RBM47: variants seen among roughly 807,000 people sequenced by gnomAD.
The protein encoded by RBM47 is RNA-binding protein 47.
In RBM47, 21 loss-of-function variants were observed where a neutral mutation model predicts 47.1. The ratio of observed to expected loss-of-function variants is 0.45; its 90% CI spans 0.32 to 0.64. The LOEUF (loss-of-function observed/expected upper bound fraction) is 0.64, where lower values mean the gene tolerates loss of function less well. Among genes scored for constraint, RBM47 ranks in the 30% least tolerant of loss-of-function variants. The pLI is 0.05. For missense variants in RBM47, 708 were observed against 870.9 expected (o/e 0.81, Z 2.35); for synonymous variants, 375 against 361.7 (o/e 1.04, Z -0.42).
intron 3 of RBM47, among the ~76,000 whole-genome samples, chr4:40,465,260 G>A (rs961712457): frequency 7.2e-5 from 11 of 152,268 alleles, no homozygotes; most frequent in African/African-American, 2.6e-4. Context: ...GCTATGTGAG[G>A]GCTGGGGTCC....
intron 1 of RBM47, among the ~76,000 whole-genome samples, chr4:40,576,323 A>T (rs1435250240): frequency 5.9e-5 from 8 of 134,934 alleles, no homozygotes; most frequent in South Asian, 2.3e-4. Flanking sequence ...TCAATTTTTT[A>T]AAAAAATTTT....
chr4:40,495,207 G>A (rs1323364674), intron 2 of RBM47, among the ~76,000 whole-genome samples: 1 of 152,138 alleles, frequency 6.6e-6, no homozygotes, highest in African/African-American at 2.4e-5. Flanking sequence ...TTACTATGGG[G>A]ATGGGATGAC....
At chr4:40,557,703 C>T (rs989722637) in intron 1 of RBM47, among the ~76,000 whole-genome samples, 1 of 151,780 alleles carries the variant, frequency 6.6e-6, no homozygotes, top group Non-Finnish European at 1.5e-5. Flanking sequence ...GAGCCAAGGT[C>T]GCACCATTGC....
At chr4:40,583,042 G>C (rs1224411891) in intron 1 of RBM47, among the ~76,000 whole-genome samples, 1 of 152,192 alleles carries the variant, frequency 6.6e-6, no homozygotes, top group Non-Finnish European at 1.5e-5. Flanking sequence ...AATGTGCGAA[G>C]TACAGAAGAG....
intron 5 of RBM47, among the ~76,000 whole-genome samples, chr4:40,434,624 C>T (rs1007461013): frequency 3.2e-5 from 1 of 31,106 alleles, no homozygotes; most frequent in African/African-American, 5.5e-5. Context: ...TTACTTTGCC[C>T]ACAGTGCCAA....
rs760262911 is a variant in RBM47 at position 40,438,504 on chromosome 4, C to T, written c.390G>A (p.Glu130=). 1 of 1,613,720 alleles carries T rather than the reference C, an allele frequency of 6.2e-7. No individual in the cohort carries two copies. Among genetic ancestry groups the T allele is most frequent in the Non-Finnish European group, 8.5e-7 (1 of 1,179,938 alleles). ...CCGGGCGGATCTCGTAGTTGTTGAG[C>T]TCACGCACTGCGCGCTTGGCCTCGT... is the stretch of plus-strand genomic sequence containing the variant. ...HKHEAKRAVR[E]LNNYEIRPGR... Residue 130 remains glutamate, a synonymous_variant, in exon 4 of 7, where the codon GAG becomes GAA. Transcript: ENST00000295971.
intron 4 of RBM47, among the ~76,000 whole-genome samples, chr4:40,437,090 A>AAAAAAT (rs1256296949): frequency 4.0e-5 from 2 of 49,852 alleles, no homozygotes; most frequent in African/African-American, 2.2e-4. Context: ...AAAAAAAAAA[A>AAAAAAT]ATATATATAT....
chr4:40,605,550 G>A (rs1453150882), intron 1 of RBM47, among the ~76,000 whole-genome samples: 1 of 151,996 alleles, frequency 6.6e-6, no homozygotes, highest in Non-Finnish European at 1.5e-5. Flanking sequence ...CTGGTCTTCG[G>A]CCGGGCACGG....
chr4:40,475,600 G>T (rs1719487662), intron 2 of RBM47: 1 of 152,072 alleles, frequency 6.6e-6, no homozygotes, highest in South Asian at 2.1e-4. Flanking sequence ...AAACAATATG[G>T]ATCATTTGTT....
At chr4:40,598,236 A>G (rs961272622) in intron 1 of RBM47, among the ~76,000 whole-genome samples, 2 of 152,170 alleles carry the variant, frequency 1.3e-5, no homozygotes, top group African/African-American at 2.4e-5. Context: ...CCCCAATCAC[A>G]GAACTTTATT....
chr4:40,596,233 C>T (rs1734742174), intron 1 of RBM47, among the ~76,000 whole-genome samples: 1 of 152,136 alleles, frequency 6.6e-6, no homozygotes, highest in African/African-American at 2.4e-5. Flanking sequence ...AGGAAAGAAG[C>T]TTAAAGCAGA....
intron 2 of RBM47, among the ~76,000 whole-genome samples, chr4:40,523,935 G>A (rs1726461366): frequency 6.6e-6 from 1 of 151,942 alleles, no homozygotes; most frequent in Non-Finnish European, 1.5e-5. Context: ...AAACTTCAGG[G>A]TGCCCAATTA....
chr4:40,457,820 C>G (rs1447229887), intron 3 of RBM47, among the ~76,000 whole-genome samples: 1 of 152,176 alleles, frequency 6.6e-6, no homozygotes, highest in Non-Finnish European at 1.5e-5. Context: ...AATTTATGCT[C>G]AAACAGATTT....
chr4:40,611,569 A>G (rs1218961382), intron 1 of RBM47, among the ~76,000 whole-genome samples: 5 of 151,130 alleles, frequency 3.3e-5, no homozygotes. Context: ...AAAAATACAA[A>G]AAAAAAAAAA....
intron 3 of RBM47, among the ~76,000 whole-genome samples, chr4:40,457,606 T>C (rs1433818997): frequency 6.6e-6 from 1 of 152,064 alleles, no homozygotes; most frequent in Non-Finnish European, 1.5e-5. Context: ...AATTTTTTTT[T>C]GTATTTTTAG....
chr4:40,565,473 G>A (rs755960804), intron 1 of RBM47, among the ~76,000 whole-genome samples: 6 of 152,080 alleles, frequency 3.9e-5, no homozygotes, highest in Non-Finnish European at 5.9e-5. Context: ...ACACATAGGA[G>A]GCTTCAAGCA....
At chr4:40,616,444 C>A (rs910431056) in intron 1 of RBM47, among the ~76,000 whole-genome samples, 4 of 151,508 alleles carry the variant, frequency 2.6e-5, no homozygotes, top group Non-Finnish European at 4.4e-5. Flanking sequence ...CAAGTATATG[C>A]GCAATCATTT....
At chr4:40,473,505 T>G (rs1330563533) in intron 2 of RBM47, among the ~76,000 whole-genome samples, 1 of 152,236 alleles carries the variant, frequency 6.6e-6, no homozygotes, top group African/African-American at 2.4e-5. Flanking sequence ...CATGAATTGT[T>G]AAGGCCTACC....
chr4:40,430,659 C>G (rs892627874), intron 6 of RBM47, among the ~76,000 whole-genome samples: 4 of 152,200 alleles, frequency 2.6e-5, no homozygotes, highest in Non-Finnish European at 5.9e-5. Context: ...AGCAAGTAAA[C>G]AGCATCCTAC....
Sources: gnomAD v4.1 joint callset for allele counts (sites outside exome capture counted in the v4.1 genomes callset) on GRCh38, gnomAD v4.1.1 for gene constraint, MANE v1.5 for transcripts, NCBI Gene and HGNC (gene_info 2026-07-23, HGNC 2026-07-21) for gene names.